Variants in CSMD2 observed in about 807,000 individuals in gnomAD.
CSMD2 encodes CUB and Sushi multiple domains 2.
CSMD2 carries 130 observed loss-of-function variants against 398.5 expected under a neutral mutation model. The observed-to-expected ratio is 0.33, with a 90% confidence interval of 0.28 to 0.38. The LOEUF (loss-of-function observed/expected upper bound fraction) is 0.38. CSMD2 is among the 10% of genes least tolerant of loss of function. CSMD2 has a pLI of 1.00. For synonymous variants in CSMD2, 1,828 were observed against 1,908.5 expected (o/e 0.96, Z 1.10); for missense variants, 3,829 against 4,764.9 (o/e 0.80, Z 5.78).
intron 4 of CSMD2, among the ~76,000 whole-genome samples, chr1:33,925,128 C>T (rs1644080956): frequency 6.6e-6 from 1 of 152,114 alleles, no homozygotes; most frequent in Admixed American, 6.5e-5. Flanking sequence ...TTTGCCTAGA[C>T]CAATCTCCTG....
chr1:33,896,815 TGAA>T (rs1478227573), intron 5 of CSMD2, among the ~76,000 whole-genome samples: 1 of 151,884 alleles, frequency 6.6e-6, no homozygotes, highest in Non-Finnish European at 1.5e-5. Flanking sequence ...AGGTGGCACC[TGAA>T]ATAGGGGAGG....
chr1:33,831,188 CAA>C (rs1659508132), intron 6 of CSMD2, among the ~76,000 whole-genome samples: 1 of 151,910 alleles, frequency 6.6e-6, no homozygotes, highest in Admixed American at 6.6e-5. Flanking sequence ...TCGAGAAGAG[CAA>C]CTCTAAGACA....
chr1:34,077,101 G>A (rs372500998), intron 2 of CSMD2, among the ~76,000 whole-genome samples: 1 of 151,144 alleles, frequency 6.6e-6, no homozygotes. Context: ...GGGAGGTAAC[G>A]TTTCAGCCTT....
At chr1:33,816,748 C>A (rs1294012072) in intron 9 of CSMD2, among the ~76,000 whole-genome samples, 1 of 152,090 alleles carries the variant, frequency 6.6e-6, no homozygotes. Flanking sequence ...CCTGTGAACG[C>A]CTAATTTCAT....
At chr1:33,713,075 T>C (rs1646046611) in intron 21 of CSMD2, among the ~76,000 whole-genome samples, 2 of 152,222 alleles carry the variant, frequency 1.3e-5, no homozygotes, top group African/African-American at 2.4e-5. Context: ...AATGATGTCA[T>C]CTAAGGTAGA....
intron 25 of CSMD2, among the ~76,000 whole-genome samples, chr1:33,665,692 T>G (rs992033126): frequency 6.6e-6 from 1 of 151,968 alleles, no homozygotes; most frequent in Admixed American, 6.6e-5. Context: ...CCTCCAAAAT[T>G]CCTGGGATTA....
In CSMD2 at chr1:33,825,554, T is replaced by C. The variant is rs1658706416; in HGVS notation, c.1111+143A>G. 13 of 725,182 alleles carry C rather than the reference T, an allele frequency of 1.8e-5. No individual in the cohort carries two copies. In the South Asian group the frequency reaches 2.0e-4, roughly 11 times the overall value. The allele number at this position is 725,182 out of a possible 1,614,324, so 44.9% of individuals were successfully genotyped here. On this transcript the variant is annotated intron_variant, in intron 7 of 70. Coordinates refer to ENST00000373381, the MANE Select transcript of CSMD2 (RefSeq NM_001281956.2). Reference sequence around the variant, plus strand: ...CTGCTCTCTGGCCGTTGGGTCAGTGTGTCCAAGCGCAGAGCCCAGGATGGA... The same window carrying C: ...CTGCTCTCTGGCCGTTGGGTCAGTGCGTCCAAGCGCAGAGCCCAGGATGGA...
chr1:34,152,750 C>A (rs1349039670), intron 1 of CSMD2, among the ~76,000 whole-genome samples: 1 of 152,116 alleles, frequency 6.6e-6, no homozygotes, highest in Non-Finnish European at 1.5e-5. Context: ...GCAATCTGAA[C>A]CACTTAGAAG....
intron 1 of CSMD2, among the ~76,000 whole-genome samples, chr1:34,110,559 C>T (rs1405659731): frequency 6.6e-6 from 1 of 151,822 alleles, no homozygotes; most frequent in African/African-American, 2.4e-5. Context: ...ATGAATGAAG[C>T]ATATATATTA....
chr1:33,855,330 G>A (rs1375629863), intron 5 of CSMD2, among the ~76,000 whole-genome samples: 1 of 152,096 alleles, frequency 6.6e-6, no homozygotes, highest in Non-Finnish European at 1.5e-5. Flanking sequence ...CCCAAGCTGG[G>A]CCAATGAGCT....
In CSMD2 at chr1:33,622,591, C is replaced by A. The variant is rs1641842515; in HGVS notation, c.5723-320G>T. On this transcript the variant is annotated intron_variant, in intron 36 of 70. Coordinates refer to ENST00000373381, the MANE Select transcript of CSMD2 (RefSeq NM_001281956.2). Reference sequence around the variant, plus strand: ...ACTCTGACCTGTATTATTCTCTGGGCAGTCCTGCAGTGTGGACAGTTTATC... The same window carrying A: ...ACTCTGACCTGTATTATTCTCTGGGAAGTCCTGCAGTGTGGACAGTTTATC... Among the ~76,000 whole-genome samples the A allele has an allele frequency of 2.0e-5, 3 of 152,200 alleles. 1 individual carries two copies. The highest frequency in any genetic ancestry group is 1.3e-4 in the Admixed American group (2 of 15,276).
chr1:34,000,465 G>A lies in CSMD2; in HGVS notation c.517+32129C>T, dbSNP rs553605058. On this transcript the variant is annotated intron_variant, in intron 3 of 70. Transcript: ENST00000373381. ...TTGGCACAGAGCAAAGAGAAATGCC[G>A]GATCTGGTGAGAGGACAAATGGACC... Among the ~76,000 whole-genome samples the A allele has an allele frequency of 2.6e-5, 4 of 152,236 alleles. No individual in the cohort carries two copies. In the South Asian group the frequency reaches 6.2e-4, roughly 24 times the overall value.
intron 6 of CSMD2, among the ~76,000 whole-genome samples, chr1:33,841,702 ACTTAT>A (rs1660871423): frequency 6.6e-6 from 1 of 152,206 alleles, no homozygotes; most frequent in African/African-American, 2.4e-5. Flanking sequence ...GGCTACAGGA[ACTTAT>A]CATTTTAACA....
intron 6 of CSMD2, among the ~76,000 whole-genome samples, chr1:33,843,884 G>T (rs1039491502): frequency 6.6e-6 from 1 of 152,106 alleles, no homozygotes; most frequent in South Asian, 2.1e-4. Context: ...GTCTGCCAAG[G>T]GGCAGACCTC....
chr1:33,571,596 T>G lies in CSMD2; in HGVS notation c.7893A>C (p.Gln2631His). 6.4e-7 allele frequency: 1 copy of G among 1,572,156 alleles called. No homozygotes were observed. Among genetic ancestry groups the G allele is most frequent in the Non-Finnish European group, 8.7e-7 (1 of 1,152,204 alleles). Residue 2631 changes from glutamine to histidine, a missense_variant, in exon 51 of 71, where the codon CAA becomes CAC. Physicochemically the swap from Gln to His is conservative, Grantham distance 24 (BLOSUM62 0). Coordinates refer to ENST00000373381, the MANE Select transcript of CSMD2 (RefSeq NM_001281956.2). ...CATTGGCCTGACAGCGGATGACCCT[T>G]TGGCCAGTATAGTAGTAGCCAGGGT... The part of the protein sequence containing the change: ...ICDPGYYYTG[Q>H]RVIRCQANGK...
intron 5 of CSMD2, among the ~76,000 whole-genome samples, chr1:33,911,779 T>A (rs1478264203): frequency 6.6e-6 from 1 of 152,206 alleles, no homozygotes; most frequent in Non-Finnish European, 1.5e-5. Flanking sequence ...AGAGCAGGCA[T>A]CCTATTCTTC....
chr1:33,679,677 AC>A (rs1319700884), intron 25 of CSMD2, among the ~76,000 whole-genome samples: 1 of 152,200 alleles, frequency 6.6e-6, no homozygotes, highest in Non-Finnish European at 1.5e-5. Flanking sequence ...TGGTAAAATC[AC>A]CTAAAATAAT....
chr1:33,629,095 A>G (rs1194320807), intron 32 of CSMD2, among the ~76,000 whole-genome samples: 1 of 152,078 alleles, frequency 6.6e-6, no homozygotes, highest in East Asian at 1.9e-4. Flanking sequence ...CCAAAACTAA[A>G]GTAGGGAATT....
intron 26 of CSMD2, among the ~76,000 whole-genome samples, chr1:33,658,911 G>T (rs1644035702): frequency 6.6e-6 from 1 of 152,210 alleles, no homozygotes; most frequent in Admixed American, 6.5e-5. Flanking sequence ...GGAAGGGTTT[G>T]CAAAGGACTT....
Sources: allele counts gnomAD v4.1 joint callset (sites outside exome capture counted in the v4.1 genomes callset), GRCh38; gene constraint gnomAD v4.1.1; transcripts MANE v1.5; gene names NCBI Gene and HGNC (gene_info 2026-07-23, HGNC 2026-07-21).